FAF1: variants seen among roughly 807,000 people sequenced by gnomAD.
FAF1 encodes the protein Fas associated factor 1.
A neutral mutation model predicts 92.5 loss-of-function variants in FAF1; 25 were observed. The ratio of observed to expected loss-of-function variants is 0.27; its 90% CI spans 0.20 to 0.38. The LOEUF is 0.38. Among genes scored for constraint, FAF1 ranks in the 10% least tolerant of loss-of-function variants. FAF1 has a pLI of 1.00. For synonymous variants in FAF1, 234 were observed against 273.2 expected (o/e 0.86, Z 1.42); for missense variants, 636 against 793.3 (o/e 0.80, Z 2.38).
At chr1:50,478,891 A>G (rs1646668589) in intron 17 of FAF1, among the ~76,000 whole-genome samples, 1 of 152,234 alleles carries the variant, frequency 6.6e-6, no homozygotes, top group South Asian at 2.1e-4. Context: ...TATAACATAC[A>G]TATGAAAAAG....
At chr1:50,458,976 T>A (rs888790654) in intron 18 of FAF1, among the ~76,000 whole-genome samples, 2 of 151,034 alleles carry the variant, frequency 1.3e-5, no homozygotes, top group Non-Finnish European at 3.0e-5. Flanking sequence ...CTTTTTTTTT[T>A]CTTTTTTTTT....
chr1:50,539,675 C>T lies in FAF1; in HGVS notation c.1322G>A (p.Arg441Gln), dbSNP rs1339435076. The T allele has an allele frequency of 3.1e-6, 5 of 1,612,036 alleles. No homozygotes were observed. The highest frequency in any genetic ancestry group is 1.7e-4 in the Middle Eastern group (1 of 6,048). ...CGGAAACTGATCCGTTTTTTGAGTC[C>T]GAATGGTTTGTGCCACAACACTGCC... ...HFGSVVAQTI[R>Q]TQKTDQFPLF... is the part of the protein sequence containing the mutation. Residue 441 changes from arginine to glutamine, a missense_variant, in exon 14 of 19, where the codon CGG becomes CAG. Arg to Gln is a conservative substitution (Grantham distance 43). This residue lies in a region of FAF1 where 319 missense variants were observed against 451.0 expected (regional missense o/e 0.71). Coordinates refer to ENST00000396153, the MANE Select transcript of FAF1 (RefSeq NM_007051.3).
intron 4 of FAF1, among the ~76,000 whole-genome samples, chr1:50,754,685 T>G (rs749145629): frequency 2.6e-5 from 4 of 152,236 alleles, no homozygotes; most frequent in Non-Finnish European, 5.9e-5. Context: ...ATATGCCATG[T>G]GTATTAGTCC....
At chr1:50,766,238 C>A (rs1660566560) in intron 4 of FAF1, among the ~76,000 whole-genome samples, 1 of 152,174 alleles carries the variant, frequency 6.6e-6, no homozygotes, top group East Asian at 1.9e-4. Context: ...CAAATTTCTT[C>A]TTTGTTCTAT....
intron 8 of FAF1, among the ~76,000 whole-genome samples, chr1:50,635,863 A>G (rs1377695858): frequency 2.6e-5 from 4 of 152,230 alleles, no homozygotes; most frequent in Non-Finnish European, 5.9e-5. Flanking sequence ...CTACTAGGGG[A>G]ATAGACTAAA....
At chr1:50,692,545 C>G (rs777488488) in intron 7 of FAF1, among the ~76,000 whole-genome samples, 3 of 152,050 alleles carry the variant, frequency 2.0e-5, no homozygotes, top group Non-Finnish European at 2.9e-5. Context: ...TAAGTGAGAA[C>G]ATGTTTATTC....
At chr1:50,761,839 G>A (rs1660340396) in intron 4 of FAF1, among the ~76,000 whole-genome samples, 1 of 152,066 alleles carries the variant, frequency 6.6e-6, no homozygotes, top group Non-Finnish European at 1.5e-5. Flanking sequence ...TTCTGGCCAG[G>A]GCAATTAGGC....
chr1:50,684,325 C>A (rs186604455), intron 7 of FAF1, among the ~76,000 whole-genome samples: 1 of 147,956 alleles, frequency 6.8e-6, no homozygotes, highest in Non-Finnish European at 1.5e-5. Flanking sequence ...TGACAATGGA[C>A]CATTTTAAAA....
intron 15 of FAF1, among the ~76,000 whole-genome samples, chr1:50,532,313 G>A (rs1648218690): frequency 6.6e-6 from 1 of 152,096 alleles, no homozygotes; most frequent in Non-Finnish European, 1.5e-5. Flanking sequence ...TTCTTTACCA[G>A]TGCATTATGG....
At position 50,742,424 on chromosome 1, in the gene FAF1, C is replaced by T. The variant is rs1465420773; in HGVS notation, c.459+2260G>A. ...GGGGAGAGAGACTCTTGCTCTGTCG[C>T]CCAGGATGGAGTGTAGTGGCAAAAT... is the stretch of plus-strand genomic sequence containing the variant. On this transcript the variant is annotated intron_variant, in intron 5 of 18. Coordinates refer to ENST00000396153, the MANE Select transcript of FAF1 (RefSeq NM_007051.3). Among the ~76,000 whole-genome samples the T allele has an allele frequency of 2.0e-5, 3 of 152,028 alleles. No individual in the cohort carries two copies. In the East Asian group the frequency reaches 5.8e-4, roughly 29 times the overall value.
chr1:50,881,134 A>G (rs1294910372), intron 1 of FAF1, among the ~76,000 whole-genome samples: 4 of 152,196 alleles, frequency 2.6e-5, no homozygotes, highest in Non-Finnish European at 1.5e-5. Flanking sequence ...ACTGTTCTAG[A>G]CAAATACAAG....
intron 4 of FAF1, among the ~76,000 whole-genome samples, chr1:50,754,863 T>G (rs1242302525): frequency 6.6e-6 from 1 of 152,094 alleles, no homozygotes; most frequent in Non-Finnish European, 1.5e-5. Flanking sequence ...AGAGAGGTTG[T>G]GTAGGGAAAC....
intron 4 of FAF1, among the ~76,000 whole-genome samples, chr1:50,776,849 A>T (rs1057399502): frequency 6.6e-6 from 1 of 152,210 alleles, no homozygotes; most frequent in African/African-American, 2.4e-5. Context: ...CCTTAGCAAT[A>T]CTACTAAAAA....
chr1:50,759,411 T>G (rs1660226437), intron 4 of FAF1, among the ~76,000 whole-genome samples: 1 of 151,384 alleles, frequency 6.6e-6, no homozygotes, highest in African/African-American at 2.4e-5. Context: ...GTTTGGTTTT[T>G]TGTTCTTGTG....
intron 13 of FAF1, among the ~76,000 whole-genome samples, chr1:50,545,518 C>T (rs1648967789): frequency 6.6e-6 from 1 of 151,990 alleles, no homozygotes; most frequent in Non-Finnish European, 1.5e-5. Context: ...ATCCACCTGC[C>T]TTGGCCTCCC....
At chr1:50,586,973 C>T (rs550414569) in intron 9 of FAF1, among the ~76,000 whole-genome samples, 106 of 152,326 alleles carry the variant, frequency 7.0e-4, no homozygotes, top group Non-Finnish European at 1.2e-3. Context: ...AATCTTCTCA[C>T]ATCCTCTATC....
chr1:50,451,919 C>T, intron 18 of FAF1: 1 of 1,088,660 alleles, frequency 9.2e-7, no homozygotes, highest in Non-Finnish European at 1.1e-6. Context: ...AAACTTGGCA[C>T]ACTGTCGGGG....
At chr1:50,458,545 T>G (rs183132181) in intron 18 of FAF1, among the ~76,000 whole-genome samples, 245 of 152,282 alleles carry the variant, frequency 1.6e-3, no homozygotes, top group African/African-American at 5.6e-3. Flanking sequence ...GGCAAAATTT[T>G]TAAGGCTCTG....
rs376233901 is a variant in FAF1, at chr1:50,941,217, G to T, written c.45+18550C>A. 1.8e-4 allele frequency among the ~76,000 whole-genome samples: 28 copies of T among 151,778 alleles called. No homozygotes were observed. In the South Asian group the frequency reaches 4.6e-3, roughly 25 times the overall value. ...TCAACTTTTTGTTTTGTTTTGTTTT[G>T]TTTTTGGAGACAAGGGCTCACTCAC... On this transcript the variant is annotated intron_variant, in intron 1 of 18. Coordinates refer to ENST00000396153, the MANE Select transcript of FAF1 (RefSeq NM_007051.3).
Sources: allele counts gnomAD v4.1 joint callset (sites outside exome capture counted in the v4.1 genomes callset), GRCh38; gene constraint gnomAD v4.1.1; regional missense constraint gnomAD v4.1.1; transcripts MANE v1.5; gene names NCBI Gene and HGNC (gene_info 2026-07-23, HGNC 2026-07-21).